MAST4: variants seen among roughly 807,000 people sequenced by gnomAD.
The protein encoded by MAST4 is microtubule associated serine/threonine kinase family member 4, also known as microtubule-associated serine/threonine-protein kinase 4.
In MAST4, 89 loss-of-function variants were observed where a neutral mutation model predicts 162.7. That is an observed-to-expected ratio of 0.55 (90% CI 0.46 to 0.65). The LOEUF is 0.65. Ranked by LOEUF, MAST4 falls within the 30% of genes least tolerant of loss-of-function variation. The pLI, the probability that MAST4 is intolerant of heterozygous loss-of-function variation, is 0.00. For missense variants in MAST4, 3,153 were observed against 3,374.0 expected, an observed-to-expected ratio of 0.93 and a Z score of 1.62; for synonymous variants, 1,479 against 1,361.1, an observed-to-expected ratio of 1.09 and a Z score of -1.91.
At chr5:66,773,794 C>T (rs1490005672) in intron 2 of MAST4, among the ~76,000 whole-genome samples, 1 of 152,242 alleles carries the variant, frequency 6.6e-6, no homozygotes, top group East Asian at 1.9e-4. Context: ...CCAGCCTCCA[C>T]AGCTGTGAGA....
At chr5:66,659,266 A>G (rs1408860978) in intron 1 of MAST4, among the ~76,000 whole-genome samples, 2 of 152,150 alleles carry the variant, frequency 1.3e-5, no homozygotes, top group African/African-American at 2.4e-5. Flanking sequence ...CTTGATGACT[A>G]TTCGGCCAAT....
chr5:66,774,825 A>G (rs556081495), intron 2 of MAST4, among the ~76,000 whole-genome samples: 1 of 152,314 alleles, frequency 6.6e-6, no homozygotes, highest in African/African-American at 2.4e-5. Context: ...ATTTAAATGT[A>G]GGTATGCATC....
intron 4 of MAST4, among the ~76,000 whole-genome samples, chr5:67,011,334 C>T (rs1053136241): frequency 6.6e-6 from 1 of 152,164 alleles, no homozygotes; most frequent in African/African-American, 2.4e-5. Context: ...CTCCCTGAGT[C>T]CCTGAGCCCA....
intron 1 of MAST4, among the ~76,000 whole-genome samples, chr5:66,620,473 G>A (rs191609136): frequency 4.0e-4 from 61 of 152,094 alleles, no homozygotes; most frequent in African/African-American, 1.3e-3. Flanking sequence ...AATACTTGCC[G>A]TTAATAATGG....
At chr5:66,867,513 C>G (rs1309718102) in intron 3 of MAST4, among the ~76,000 whole-genome samples, 1 of 152,152 alleles carries the variant, frequency 6.6e-6, no homozygotes. Context: ...TAAGAGAAGG[C>G]TTGGTGAAAG....
chr5:66,734,299 T>G (rs1752033669), intron 1 of MAST4, among the ~76,000 whole-genome samples: 1 of 152,188 alleles, frequency 6.6e-6, no homozygotes, highest in Admixed American at 6.5e-5. Context: ...TATTAGGAAC[T>G]TGGTACATAC....
At chr5:67,136,535 G>A in intron 18 of MAST4, 28 bp from the exon 19 acceptor site, 1 of 1,527,656 alleles carries the variant, frequency 6.5e-7, no homozygotes, top group South Asian at 1.2e-5. Flanking sequence ...TGAACAATAT[G>A]GTTATAAACA....
intron 3 of MAST4, among the ~76,000 whole-genome samples, chr5:66,834,291 A>G (rs1757804565): frequency 6.6e-6 from 1 of 152,188 alleles, no homozygotes; most frequent in African/African-American, 2.4e-5. Context: ...GGGGTGAGAG[A>G]GGGAACAGTT....
chr5:66,635,989 T>A (rs1345060558), intron 1 of MAST4, among the ~76,000 whole-genome samples: 1 of 136,278 alleles, frequency 7.3e-6, no homozygotes, highest in Non-Finnish European at 1.5e-5. Flanking sequence ...GACAGAGTCT[T>A]GCTCTGTCAC....
chr5:66,947,694 A>G (rs1744199592), intron 4 of MAST4, among the ~76,000 whole-genome samples: 1 of 152,090 alleles, frequency 6.6e-6, no homozygotes, highest in South Asian at 2.1e-4. Context: ...CAGGAGACAG[A>G]TTTTTCCTAA....
In MAST4 at chr5:67,166,518, A is replaced by G; in HGVS notation, c.7339A>G (p.Ser2447Gly). The stretch of plus-strand genomic sequence containing the variant: ...ACGGTCCCCCTCAGCCACTGGGCAG[A>G]GTTCTTTCCGATCCACGGCCCTCCC... ...MKRSPSATGQ[S>G]SFRSTALPEK... The change falls in exon 29 of 29, where the codon AGT (serine) becomes GGT (glycine). Residue 2447 changes from serine (S) to glycine (G), a missense_variant. Coordinates refer to ENST00000403625, the MANE Select transcript of MAST4 (RefSeq NM_001164664.2). The G allele has an allele frequency of 1.2e-6, 2 of 1,607,662 alleles. No homozygotes were observed. Among genetic ancestry groups the G allele is most frequent in the Non-Finnish European group, 1.7e-6 (2 of 1,177,152 alleles).
chr5:66,772,515 C>G (rs555749098), intron 2 of MAST4, among the ~76,000 whole-genome samples: 1 of 152,178 alleles, frequency 6.6e-6, no homozygotes, highest in Non-Finnish European at 1.5e-5. Context: ...GTAAATTGCA[C>G]TATACATGAA....
At chr5:66,752,116 G>T (rs1753216057) in intron 1 of MAST4, among the ~76,000 whole-genome samples, 1 of 152,108 alleles carries the variant, frequency 6.6e-6, no homozygotes, top group Admixed American at 6.5e-5. Context: ...TCACCACTAG[G>T]CCTGCCCTAA....
intron 3 of MAST4, among the ~76,000 whole-genome samples, chr5:66,899,638 T>G (rs1322340611): frequency 6.6e-6 from 1 of 152,174 alleles, no homozygotes; most frequent in Non-Finnish European, 1.5e-5. Context: ...CTTTGCTTCT[T>G]CAGATTTTCC....
intron 1 of MAST4, among the ~76,000 whole-genome samples, chr5:66,717,097 G>A (rs560566714): frequency 2.6e-5 from 4 of 152,232 alleles, no homozygotes; most frequent in African/African-American, 4.8e-5. Flanking sequence ...GAAGAGGAGC[G>A]TTTCCTAGAG....
At chr5:66,700,796 TATATACACACACAC>T (rs1561271948) in intron 1 of MAST4, among the ~76,000 whole-genome samples, 1 of 116,772 alleles carries the variant, frequency 8.6e-6, no homozygotes, top group Admixed American at 1.0e-4. Flanking sequence ...TATATATATA[TATATACACACACAC>T]ACACACACAC....
chr5:66,686,522 A>G (rs1462825932), intron 1 of MAST4, among the ~76,000 whole-genome samples: 2 of 152,180 alleles, frequency 1.3e-5, no homozygotes, highest in African/African-American at 2.4e-5. Context: ...CCTTAACATT[A>G]CTCAGCCATT....
intron 23 of MAST4, among the ~76,000 whole-genome samples, 198 bp downstream of exon 23, chr5:67,145,577 C>A (rs1770984900): frequency 6.6e-6 from 1 of 152,220 alleles, no homozygotes; most frequent in African/African-American, 2.4e-5. Flanking sequence ...CTCCTCAGTG[C>A]TCGGCCATGC....
At chr5:66,940,087 ATATATATG>A (rs1350675015) in intron 4 of MAST4, among the ~76,000 whole-genome samples, 3 of 152,116 alleles carry the variant, frequency 2.0e-5, no homozygotes, top group Non-Finnish European at 2.9e-5. Context: ...ATGTATGTGT[ATATATATG>A]TATATATGTA....
Sources: gnomAD v4.1 joint callset for allele counts (sites outside exome capture counted in the v4.1 genomes callset) on GRCh38, gnomAD v4.1.1 for gene constraint, MANE v1.5 for transcripts, NCBI Gene and HGNC (gene_info 2026-07-23, HGNC 2026-07-21) for gene names.